Variants in DNAH9 observed in about 807,000 individuals in gnomAD.
DNAH9 encodes the protein DNAH9 variant protein.
In DNAH9, 345 loss-of-function variants were observed where a neutral mutation model predicts 471.6. That is an observed-to-expected ratio of 0.73 (90% CI 0.67 to 0.80). The LOEUF (loss-of-function observed/expected upper bound fraction) is 0.80. Ranked by LOEUF, DNAH9 falls within the 30% of genes least tolerant of loss-of-function variation. DNAH9 has a pLI of 0.00. For synonymous variants in DNAH9, 2,093 were observed against 2,123.6 expected, an observed-to-expected ratio of 0.99 and a Z score of 0.40; for missense variants, 5,407 against 5,609.2, an observed-to-expected ratio of 0.96 and a Z score of 1.15.
chr17:11,668,534 G>A (rs955354072), intron 15 of DNAH9, among the ~76,000 whole-genome samples: 12 of 151,958 alleles, frequency 7.9e-5, no homozygotes, highest in African/African-American at 2.7e-4. Flanking sequence ...GCATAGTGTC[G>A]CATGCCTGTA....
chr17:11,897,880 GA>G (rs1249428301), intron 59 of DNAH9, among the ~76,000 whole-genome samples: 2 of 152,210 alleles, frequency 1.3e-5, no homozygotes, highest in Non-Finnish European at 2.9e-5. Context: ...TAAAACAACA[GA>G]AATCTGTTTT....
intron 26 of DNAH9, among the ~76,000 whole-genome samples, chr17:11,712,179 A>T (rs1225966304): frequency 1.4e-5 from 2 of 140,670 alleles, no homozygotes; most frequent in African/African-American, 5.2e-5. Context: ...AATATATTAA[A>T]TTTATAATAT....
chr17:11,727,971 T>A, intron 28 of DNAH9, 49 bp downstream of exon 28: 3 of 1,198,194 alleles, frequency 2.5e-6, no homozygotes, highest in Non-Finnish European at 3.7e-6. Context: ...TATTGATTAC[T>A]GCGGAAGTCT....
rs1366945838 is a variant in DNAH9 at position 11,883,547 on chromosome 17, G to A, written c.10807-39G>A. On this transcript the variant is annotated intron_variant, in intron 55 of 68. Transcript: ENST00000262442. ...CACATCCTTAGAGCAGGATGCCCTG[G>A]GCATCTGCACCTGACTGTCTCTTGC... 4.4e-6 allele frequency: 7 copies of A among 1,608,668 alleles called. No individual in the cohort carries two copies. In the African/African-American group the frequency reaches 9.4e-5, roughly 22 times the overall value.
chr17:11,603,902 A>G (rs2072440643), intron 1 of DNAH9, among the ~76,000 whole-genome samples: 1 of 152,162 alleles, frequency 6.6e-6, no homozygotes, highest in Non-Finnish European at 1.5e-5. Context: ...AGCGTTTGTC[A>G]TAGCTCATGA....
rs12940242 is a variant in DNAH9 at position 11,889,237 on chromosome 17, G to T, written c.11112+2272G>T. 2.2e-3 allele frequency among the ~76,000 whole-genome samples: 339 copies of T among 152,310 alleles called. 2 individuals are homozygous for T. The highest frequency in any genetic ancestry group is 6.8e-3 in the Middle Eastern group (2 of 294). On this transcript the variant is annotated intron_variant, in intron 57 of 68. Transcript: ENST00000262442. ...GGGAATAACACTTCTCAAAATAGAA[G>T]AAGCTTGCATCAGATAGGCAGAGGC...
intron 58 of DNAH9, among the ~76,000 whole-genome samples, chr17:11,893,492 A>G (rs1182278598): frequency 1.3e-5 from 2 of 152,210 alleles, no homozygotes; most frequent in Non-Finnish European, 2.9e-5. Context: ...TAGACTGGAT[A>G]AAGAAAAAGT....
chr17:11,701,020 G>A lies in DNAH9; in HGVS notation c.5026-102G>A. 4 of 1,269,574 alleles carry A rather than the reference G, an allele frequency of 3.2e-6. 1 individual carries two copies. Among genetic ancestry groups the A allele is most frequent in the Non-Finnish European group, 4.5e-6 (4 of 892,710 alleles). The allele number at this position is 1,269,574 out of a possible 1,614,324, so 78.6% of individuals were successfully genotyped here. On this transcript the variant is annotated intron_variant, in intron 23 of 68. Transcript: ENST00000262442. ...CCACTTGGGGCTGTATACAATGTGT[G>A]GGCTCCCTTTCCTTCACTCCCTCAG...
At chr17:11,670,439 A>G (rs1465343847) in intron 17 of DNAH9, among the ~76,000 whole-genome samples, 1 of 152,128 alleles carries the variant, frequency 6.6e-6, no homozygotes, top group East Asian at 1.9e-4. Context: ...CCCCCTTCTC[A>G]GAATCCCATT....
intron 27 of DNAH9, among the ~76,000 whole-genome samples, chr17:11,723,915 C>T (rs11650510): frequency 3.9e-5 from 6 of 152,098 alleles, no homozygotes; most frequent in Middle Eastern, 3.4e-3. Flanking sequence ...CCTTGTGATC[C>T]GCCCGCCTCA....
chr17:11,712,788 G>A (rs1384439230), intron 26 of DNAH9, among the ~76,000 whole-genome samples: 2 of 151,162 alleles, frequency 1.3e-5, no homozygotes, highest in South Asian at 4.2e-4. Context: ...TTGAGTTTGA[G>A]AATTCTTTGT....
At chr17:11,927,284 T>C (rs995442985) in intron 62 of DNAH9, among the ~76,000 whole-genome samples, 6 of 152,236 alleles carry the variant, frequency 3.9e-5, no homozygotes, top group African/African-American at 1.4e-4. Flanking sequence ...TGTTAATTTT[T>C]GCTTTTGTTG....
intron 39 of DNAH9, among the ~76,000 whole-genome samples, chr17:11,782,905 A>G (rs1055399273): frequency 6.6e-6 from 1 of 152,232 alleles, no homozygotes; most frequent in African/African-American, 2.4e-5. Flanking sequence ...CAAAAAAAGA[A>G]TAAATTAAAA....
chr17:11,632,155 G>C (rs1341877546), intron 7 of DNAH9, among the ~76,000 whole-genome samples: 2 of 152,228 alleles, frequency 1.3e-5, no homozygotes, highest in Admixed American at 6.5e-5. Flanking sequence ...CTAATGGCTA[G>C]ATTAGTTTGC....
At position 11,923,908 on chromosome 17, in the gene DNAH9, C is replaced by T. The variant is rs764515464; in HGVS notation, c.11844C>T (p.Leu3948=). The change falls in exon 62 of 69, where the codon CTC becomes CTT. Residue 3948 remains leucine, a synonymous_variant. Coordinates refer to ENST00000262442, the MANE Select transcript of DNAH9 (RefSeq NM_001372.4). The part of the protein sequence containing the change: ...QEVVAEAALD[L]AAKKGHWVIL... ...TGGTGGCTGAGGCTGCGCTGGACCT[C>T]GCTGCCAAGAAAGGTCACTGGGTTA... The T allele has an allele frequency of 1.3e-5, 21 of 1,613,878 alleles. No individual in the cohort carries two copies. Among genetic ancestry groups the T allele is most frequent in the Admixed American group, 6.7e-5 (4 of 59,970 alleles).
Position 11,894,388 on chromosome 17 carries a change from C to T in DNAH9, c.11298C>T (p.Asn3766=). Residue 3766 remains asparagine, a synonymous_variant, in exon 59 of 69, where the codon AAC becomes AAT. Transcript: ENST00000262442. ...CCACATTGCAGATTCTCCTCATGAA[C>T]CGAGAAGTCAATGCAGTGGAGTTGG... The part of the protein sequence containing the change: ...AQLTFQILLM[N]REVNAVELDF... The T allele has an allele frequency of 1.2e-6, 2 of 1,614,158 alleles. No homozygotes were observed. The highest frequency in any genetic ancestry group is 1.7e-6 in the Non-Finnish European group (2 of 1,180,016).
intron 38 of DNAH9, among the ~76,000 whole-genome samples, chr17:11,778,967 C>T (rs535930352): frequency 7.9e-5 from 12 of 152,112 alleles, no homozygotes; most frequent in Middle Eastern, 3.4e-3. Context: ...GGTTGCACCA[C>T]GGCACTCCAG....
intron 28 of DNAH9, among the ~76,000 whole-genome samples, chr17:11,728,799 T>C (rs1280785194): frequency 6.6e-6 from 1 of 152,156 alleles, no homozygotes; most frequent in East Asian, 1.9e-4. Context: ...TTTCACGTCT[T>C]TCCACCATGG....
At chr17:11,777,537 T>C (rs567800153) in intron 38 of DNAH9, among the ~76,000 whole-genome samples, 74 of 152,368 alleles carry the variant, frequency 4.9e-4, no homozygotes, top group Admixed American at 1.7e-3. Context: ...AATGGGCTTA[T>C]AGTTTTAGTG....
Sources: allele counts gnomAD v4.1 joint callset (sites outside exome capture counted in the v4.1 genomes callset), GRCh38; gene constraint gnomAD v4.1.1; transcripts MANE v1.5; gene names NCBI Gene and HGNC (gene_info 2026-07-23, HGNC 2026-07-21).